The following LUZP2 variants were observed in gnomAD, a reference collection of about 807,000 sequenced individuals.
LUZP2 encodes leucine zipper protein 2.
Under a neutral mutation model 51.6 loss-of-function variants are expected in LUZP2, and 52 were observed. The ratio of observed to expected loss-of-function variants is 1.01; its 90% CI spans 0.81 to 1.27. The LOEUF (loss-of-function observed/expected upper bound fraction) is 1.27. Among genes scored for constraint, LUZP2 ranks in the 50% most tolerant of loss-of-function variants. LUZP2 has a pLI of 0.00. For synonymous variants in LUZP2, 154 were observed against 137.3 expected (o/e 1.12, Z -0.85); for missense variants, 436 against 395.4 (o/e 1.10, Z -0.87).
chr11:24,918,900 A>G (rs1853903174), intron 7 of LUZP2, among the ~76,000 whole-genome samples: 7 of 146,238 alleles, frequency 4.8e-5, no homozygotes, highest in Non-Finnish European at 1.5e-5. Context: ...ATAGTTATAT[A>G]TAATATATAT....
intron 1 of LUZP2, among the ~76,000 whole-genome samples, chr11:24,602,156 A>ATATATATG (rs1270758818): frequency 1.6e-5 from 2 of 122,224 alleles, no homozygotes; most frequent in Non-Finnish European, 3.3e-5. Context: ...ATATGTATAT[A>ATATATATG]TGTATATATG....
chr11:24,935,676 A>G (rs1854566757), intron 7 of LUZP2, among the ~76,000 whole-genome samples: 1 of 152,148 alleles, frequency 6.6e-6, no homozygotes, highest in Non-Finnish European at 1.5e-5. Context: ...GTAAAATAAA[A>G]AAGAAAGATT....
intron 1 of LUZP2, among the ~76,000 whole-genome samples, chr11:24,662,138 T>C (rs895092093): frequency 6.6e-6 from 1 of 151,944 alleles, no homozygotes; most frequent in African/African-American, 2.4e-5. Context: ...GAACAATATG[T>C]GAGAAGCATC....
intron 9 of LUZP2, among the ~76,000 whole-genome samples, chr11:25,025,151 T>C (rs1004049694): frequency 6.6e-6 from 1 of 152,068 alleles, no homozygotes; most frequent in Admixed American, 6.6e-5. Context: ...TAATTCGAGA[T>C]GGATTAAAGA....
chr11:24,709,465 A>G (rs982924455), intron 1 of LUZP2, among the ~76,000 whole-genome samples: 1 of 152,126 alleles, frequency 6.6e-6, no homozygotes. Flanking sequence ...GAGTATATGG[A>G]AGGAAATTGT....
chr11:24,523,639 A>G (rs1280483538), intron 1 of LUZP2, among the ~76,000 whole-genome samples: 3 of 151,424 alleles, frequency 2.0e-5, no homozygotes, highest in African/African-American at 7.3e-5. Context: ...CTAAATCAAG[A>G]TCCTGGTAAC....
At chr11:24,634,596 C>A (rs1278340286) in intron 1 of LUZP2, among the ~76,000 whole-genome samples, 1 of 149,612 alleles carries the variant, frequency 6.7e-6, no homozygotes, top group Non-Finnish European at 1.5e-5. Context: ...TGCATTACTG[C>A]TTTTTTAAAG....
intron 7 of LUZP2, among the ~76,000 whole-genome samples, chr11:24,920,470 A>T (rs952691643): frequency 3.3e-5 from 5 of 152,056 alleles, no homozygotes; most frequent in Non-Finnish European, 7.4e-5. Context: ...GAAATAATTA[A>T]ATCAAAACTT....
intron 9 of LUZP2, among the ~76,000 whole-genome samples, chr11:25,005,849 C>T (rs114675319): frequency 0.039 from 5,926 of 152,152 alleles, 368 homozygotes; most frequent in African/African-American, 0.13. Flanking sequence ...TGGCCCTTAC[C>T]GACACATTCT....
At chr11:24,738,610 G>A (rs969138122) in intron 4 of LUZP2, among the ~76,000 whole-genome samples, 18 of 151,956 alleles carry the variant, frequency 1.2e-4, no homozygotes, top group Non-Finnish European at 8.8e-5. Flanking sequence ...ATTGTGGGAC[G>A]TCACTGACTG....
chr11:25,044,534 A>C (rs1484369596), intron 9 of LUZP2, among the ~76,000 whole-genome samples: 1 of 152,054 alleles, frequency 6.6e-6, no homozygotes, highest in African/African-American at 2.4e-5. Flanking sequence ...TATTTAAAAA[A>C]TTAACTTTTA....
chr11:25,041,081 A>T (rs1858039933), intron 9 of LUZP2, among the ~76,000 whole-genome samples: 1 of 152,062 alleles, frequency 6.6e-6, no homozygotes, highest in African/African-American at 2.4e-5. Flanking sequence ...CAGTTTTCTT[A>T]ATACCATTGT....
chr11:25,077,189 T>C, intron 10 of LUZP2, 140 bp from the exon 11 acceptor site: 1 of 662,190 alleles, frequency 1.5e-6, no homozygotes, highest in Non-Finnish European at 2.7e-6. Flanking sequence ...ATTATTTTTG[T>C]CCCTAGCTTT....
In LUZP2 at chr11:24,566,604, ATG is replaced by A. The variant is rs1428920962; in HGVS notation, c.62+69301_62+69302del. On this transcript the variant is annotated intron_variant, in intron 1 of 11. Transcript: ENST00000336930. ...TATATATGTATGTGTGTATATATAT[ATG>A]TATGTATGTATAGATATACACACAC... 2.9e-3 allele frequency among the ~76,000 whole-genome samples: 337 copies of A among 115,322 alleles called. 1 individual carries two copies. The highest frequency in any genetic ancestry group is 0.012 in the African/African-American group (326 of 27,394). 75.7% of individuals were successfully genotyped at this position (115,322 alleles called of 152,430 possible). A position where few individuals can be genotyped will look rare whatever the true frequency, so the allele number is the denominator to read the frequency against.
chr11:25,017,610 C>T (rs568304042), intron 9 of LUZP2, among the ~76,000 whole-genome samples: 5 of 152,032 alleles, frequency 3.3e-5, no homozygotes, highest in Admixed American at 6.6e-5. Flanking sequence ...CTGTTTCTTT[C>T]GTTTATGTAT....
chr11:24,630,673 C>CTATTT (rs375008402), intron 1 of LUZP2, among the ~76,000 whole-genome samples: 11 of 131,658 alleles, frequency 8.4e-5, no homozygotes, highest in African/African-American at 2.5e-4. Context: ...GCTATTCCGA[C>CTATTT]TTTTTTTTTT....
intron 5 of LUZP2, among the ~76,000 whole-genome samples, chr11:24,861,808 G>A (rs1851751430): frequency 6.6e-6 from 1 of 152,176 alleles, no homozygotes; most frequent in Non-Finnish European, 1.5e-5. Context: ...CTCCTGTATA[G>A]GCTGTCTGAC....
intron 5 of LUZP2, among the ~76,000 whole-genome samples, chr11:24,844,419 T>G (rs1851134979): frequency 6.6e-6 from 1 of 152,202 alleles, no homozygotes; most frequent in African/African-American, 2.4e-5. Context: ...ACTTGGATGC[T>G]GTTAATGGCA....
chr11:24,926,338 T>C (rs1182743528), intron 7 of LUZP2, among the ~76,000 whole-genome samples: 1 of 110,208 alleles, frequency 9.1e-6, no homozygotes, highest in Non-Finnish European at 1.7e-5. Context: ...TATATATATA[T>C]ACGTGTGTAT....
Sources: gnomAD v4.1 joint callset for allele counts (sites outside exome capture counted in the v4.1 genomes callset) on GRCh38, gnomAD v4.1.1 for gene constraint, MANE v1.5 for transcripts, NCBI Gene and HGNC (gene_info 2026-07-23, HGNC 2026-07-21) for gene names.